The following ASCC1 variants were observed in gnomAD, a reference collection of about 807,000 sequenced individuals.
The protein encoded by ASCC1 is activating signal cointegrator 1 complex subunit 1, also known as ASC-1 complex subunit P50.
ASCC1 carries 35 observed loss-of-function variants against 46.6 expected under a neutral mutation model. That is an observed-to-expected ratio of 0.75 (90% confidence interval 0.57 to 0.99). ASCC1 has a LOEUF of 0.99. Ranked by LOEUF, ASCC1 falls within the 50% of genes least tolerant of loss-of-function variation. ASCC1 has a pLI of 0.00. For missense variants in ASCC1, 376 were observed against 428.7 expected (o/e 0.88, Z 1.09); for synonymous variants, 143 against 146.6 (o/e 0.98, Z 0.18).
chr10:72,117,111 GA>G (rs980522202), intron 9 of ASCC1, among the ~76,000 whole-genome samples: 164 of 152,082 alleles, frequency 1.1e-3, no homozygotes, highest in African/African-American at 3.8e-3. Context: ...TAAATTTTAA[GA>G]ATTAAAAAAC....
intron 7 of ASCC1, among the ~76,000 whole-genome samples, chr10:72,135,603 G>C (rs754660936): frequency 5.3e-5 from 8 of 152,178 alleles, no homozygotes; most frequent in African/African-American, 9.7e-5. Flanking sequence ...CCCATGGAAC[G>C]ACTTCAGTAG....
chr10:72,159,855 T>C (rs1849415454), intron 6 of ASCC1, among the ~76,000 whole-genome samples: 1 of 151,728 alleles, frequency 6.6e-6, no homozygotes, highest in Non-Finnish European at 1.5e-5. Context: ...TTGAAAAAAT[T>C]AGTTGAAAAA....
In ASCC1 at chr10:72,190,216, A is replaced by G. The variant is rs149131180; in HGVS notation, c.489+6595T>C. ...CTGTCCATCATGGTGTTAACTAGCT[A>G]AAGTTTGCCTGAAGCCTTCAATCTG... On this transcript the variant is annotated intron_variant, in intron 5 of 9. Coordinates refer to ENST00000672957, the MANE Select transcript of ASCC1 (RefSeq NM_001198800.3). 423 of 765,688 alleles carry G rather than the reference A, an allele frequency of 5.5e-4. 2 individuals carry two copies. In the African/African-American group the frequency reaches 6.4e-3, roughly 12 times the overall value. The allele number at this position is 765,688 out of a possible 1,614,324, so 47.4% of individuals were successfully genotyped here.
intron 9 of ASCC1, among the ~76,000 whole-genome samples, chr10:72,121,336 G>A (rs1844176885): frequency 6.6e-6 from 1 of 151,548 alleles, no homozygotes; most frequent in Non-Finnish European, 1.5e-5. Flanking sequence ...GTAGAGACAG[G>A]GTCCCACTGT....
intron 5 of ASCC1, among the ~76,000 whole-genome samples, chr10:72,170,196 A>G (rs926181510): frequency 1.3e-5 from 2 of 152,172 alleles, no homozygotes; most frequent in African/African-American, 2.4e-5. Context: ...GAGGAGCAGA[A>G]TATTTGCATA....
rs180770487 is a variant in ASCC1, at chr10:72,205,704, G to A, written c.213-2180C>T. ...CCCAGCTACTTGGAAGGCTGAGCAG[G>A]AGAATTGCTTGAACCTGGGAGACAG... On this transcript the variant is annotated intron_variant, in intron 3 of 9. Coordinates refer to ENST00000672957, the MANE Select transcript of ASCC1 (RefSeq NM_001198800.3). 3.3e-3 allele frequency among the ~76,000 whole-genome samples: 498 copies of A among 152,104 alleles called. 5 individuals are homozygous for A. The highest frequency in any genetic ancestry group is 0.012 in the African/African-American group (478 of 41,490).
At chr10:72,150,277 T>C (rs1174517108) in intron 7 of ASCC1, among the ~76,000 whole-genome samples, 1 of 151,976 alleles carries the variant, frequency 6.6e-6, no homozygotes, top group African/African-American at 2.4e-5. Context: ...CCCCAAAACT[T>C]GCTTCCAAAT....
intron 4 of ASCC1, among the ~76,000 whole-genome samples, chr10:72,201,780 A>T (rs1417918627): frequency 6.6e-6 from 1 of 152,124 alleles, no homozygotes; most frequent in Non-Finnish European, 1.5e-5. Context: ...TCTACAAAAA[A>T]TACAAATAAA....
At chr10:72,201,500 C>A (rs1856490542) in intron 4 of ASCC1, among the ~76,000 whole-genome samples, 1 of 151,710 alleles carries the variant, frequency 6.6e-6, no homozygotes, top group African/African-American at 2.4e-5. Context: ...GCCTGGGCAA[C>A]ATAGCAAGAC....
At chr10:72,113,378 G>A (rs1843139108) in intron 9 of ASCC1, among the ~76,000 whole-genome samples, 1 of 152,154 alleles carries the variant, frequency 6.6e-6, no homozygotes, top group Non-Finnish European at 1.5e-5. Context: ...AGAGAGCAAA[G>A]GTATTTTACA....
At chr10:72,107,311 C>CCG (rs1554824495) in intron 9 of ASCC1, among the ~76,000 whole-genome samples, 3 of 136,232 alleles carry the variant, frequency 2.2e-5, no homozygotes, top group Non-Finnish European at 3.3e-5. Context: ...TACCCCCCCC[C>CCG]CAAAAAAATA....
chr10:72,140,043 G>A (rs1451027673), intron 7 of ASCC1, among the ~76,000 whole-genome samples: 3 of 152,160 alleles, frequency 2.0e-5, no homozygotes, highest in Non-Finnish European at 4.4e-5. Flanking sequence ...AGGAGGACGG[G>A]CTTAGGATAA....
rs1290347915 is a variant in ASCC1, at chr10:72,216,236, G to A, written c.-63C>T. The stretch of plus-strand genomic sequence containing the variant: ...AGGGACTAGAAAAATGGAGAAGGTA[G>A]GAGGAGAAACAGGAGACTGCTGCAG... On this transcript the variant is annotated 5_prime_UTR_variant, in exon 1 of 10. Coordinates refer to ENST00000672957, the MANE Select transcript of ASCC1 (RefSeq NM_001198800.3). 6.4e-6 allele frequency: 1 copy of A among 157,010 alleles called. No individual in the cohort carries two copies. Among genetic ancestry groups the A allele is most frequent in the Non-Finnish European group, 1.4e-5 (1 of 70,830 alleles). The allele number at this position is 157,010 out of a possible 1,614,324, so 9.7% of individuals were successfully genotyped here.
chr10:72,119,153 T>G lies in ASCC1; in HGVS notation c.957+8929A>C, dbSNP rs201268595. 1.1e-4 allele frequency among the ~76,000 whole-genome samples: 17 copies of G among 152,340 alleles called. No homozygotes were observed. In the East Asian group the frequency reaches 3.3e-3, roughly 29 times the overall value. ...AGGCTGTGTGGACAAGTCTAAGAGT[T>G]AGAAACTCCAGGGAACCACCTCACC... On this transcript the variant is annotated intron_variant, in intron 9 of 9. Transcript: ENST00000672957.
chr10:72,213,502 T>G (rs145096778), intron 1 of ASCC1, among the ~76,000 whole-genome samples, 171 bp from the exon 2 acceptor site: 14 of 151,884 alleles, frequency 9.2e-5, no homozygotes, highest in Admixed American at 2.0e-4. Flanking sequence ...TTAGGTTAAT[T>G]GCTGCATTTT....
intron 3 of ASCC1, among the ~76,000 whole-genome samples, chr10:72,208,819 G>A (rs1174609272): frequency 6.6e-6 from 1 of 151,696 alleles, no homozygotes; most frequent in Non-Finnish European, 1.5e-5. Flanking sequence ...CAATAAGCAG[G>A]CTATTTTAAG....
intron 7 of ASCC1, among the ~76,000 whole-genome samples, chr10:72,149,241 A>T (rs1848000488): frequency 6.6e-6 from 1 of 152,038 alleles, no homozygotes; most frequent in African/African-American, 2.4e-5. Context: ...GATCAAGACC[A>T]TCCTGGCTGA....
intron 7 of ASCC1, among the ~76,000 whole-genome samples, chr10:72,141,042 TA>T (rs1846909424): frequency 1.6e-5 from 2 of 122,924 alleles, no homozygotes; most frequent in Non-Finnish European, 3.5e-5. Flanking sequence ...TGTTTATAGA[TA>T]GATAGATAGA....
intron 9 of ASCC1, among the ~76,000 whole-genome samples, chr10:72,108,008 A>G (rs999593994): frequency 6.6e-6 from 1 of 152,000 alleles, no homozygotes; most frequent in Non-Finnish European, 1.5e-5. Context: ...TTTCTCATAC[A>G]AAGACTTAAA....
Sources: allele counts gnomAD v4.1 joint callset (sites outside exome capture counted in the v4.1 genomes callset), GRCh38; gene constraint gnomAD v4.1.1; transcripts MANE v1.5; gene names NCBI Gene and HGNC (gene_info 2026-07-23, HGNC 2026-07-21).